Variants in KCND2 observed in about 807,000 individuals in gnomAD.
KCND2 encodes A-type voltage-gated potassium channel KCND2.
In KCND2, 16 loss-of-function variants were observed where a neutral mutation model predicts 54.4. That is an observed-to-expected ratio of 0.29 (90% CI 0.20 to 0.45). The LOEUF is 0.45. Ranked by LOEUF, KCND2 falls within the 20% of genes least tolerant of loss-of-function variation. The probability of loss-of-function intolerance (pLI) is 1.00; values close to 1 mark genes in which losing one functional copy is unlikely to be tolerated. For missense variants in KCND2, 486 were observed against 824.2 expected (o/e 0.59, Z 5.02); for synonymous variants, 317 against 310.7 (o/e 1.02, Z -0.21).
chr7:120,647,986 C>T (rs749287734), intron 1 of KCND2, among the ~76,000 whole-genome samples: 1 of 152,036 alleles, frequency 6.6e-6, no homozygotes, highest in East Asian at 1.9e-4. Context: ...TGTCTAAGTA[C>T]AGTAATATTA....
intron 1 of KCND2, among the ~76,000 whole-genome samples, chr7:120,556,276 T>C (rs1170450935): frequency 2.0e-5 from 3 of 152,108 alleles, no homozygotes; most frequent in Non-Finnish European, 4.4e-5. Context: ...AGAGAATAAA[T>C]AGTCTTCACA....
intron 1 of KCND2, among the ~76,000 whole-genome samples, chr7:120,724,880 G>A (rs1166990645): frequency 1.3e-5 from 2 of 152,088 alleles, no homozygotes; most frequent in Admixed American, 1.3e-4. Context: ...GGAATAAAGT[G>A]TTAAAAACAT....
intron 1 of KCND2, among the ~76,000 whole-genome samples, chr7:120,479,419 T>C (rs1025015869): frequency 6.6e-6 from 1 of 151,700 alleles, no homozygotes; most frequent in African/African-American, 2.4e-5. Context: ...AAAATATTTA[T>C]ATATATATAT....
At chr7:120,325,326 TC>T (rs1478322083) in intron 1 of KCND2, among the ~76,000 whole-genome samples, 1 of 130,468 alleles carries the variant, frequency 7.7e-6, no homozygotes, top group Admixed American at 8.4e-5. Flanking sequence ...GGCCAGAACT[TC>T]CAACACTATG....
At chr7:120,715,573 G>C (rs1442477683) in intron 1 of KCND2, among the ~76,000 whole-genome samples, 1 of 152,004 alleles carries the variant, frequency 6.6e-6, no homozygotes, top group Non-Finnish European at 1.5e-5. Context: ...ATTATGTTAG[G>C]ACCCCAGAAT....
intron 1 of KCND2, among the ~76,000 whole-genome samples, chr7:120,676,137 C>T (rs1407255978): frequency 2.0e-5 from 3 of 152,112 alleles, no homozygotes; most frequent in Non-Finnish European, 2.9e-5. Flanking sequence ...CGTGCCCAAC[C>T]TCTCTTTCTA....
chr7:120,321,361 T>A (rs1799890992), intron 1 of KCND2, among the ~76,000 whole-genome samples: 1 of 152,150 alleles, frequency 6.6e-6, no homozygotes, highest in Admixed American at 6.6e-5. Context: ...CTTGAACTCC[T>A]GACCTTAAGC....
chr7:120,531,484 A>C (rs1791841972), intron 1 of KCND2, among the ~76,000 whole-genome samples: 1 of 151,960 alleles, frequency 6.6e-6, no homozygotes, highest in Non-Finnish European at 1.5e-5. Flanking sequence ...CAGCATAAAA[A>C]CTTTCTGTAA....
At chr7:120,675,151 A>G (rs1409276995) in intron 1 of KCND2, among the ~76,000 whole-genome samples, 1 of 152,094 alleles carries the variant, frequency 6.6e-6, no homozygotes, top group African/African-American at 2.4e-5. Flanking sequence ...CAAATTGTTC[A>G]ACTCTGTTCA....
At chr7:120,520,361 C>T (rs1391206073) in intron 1 of KCND2, among the ~76,000 whole-genome samples, 1 of 152,008 alleles carries the variant, frequency 6.6e-6, no homozygotes, top group Non-Finnish European at 1.5e-5. Flanking sequence ...TTTGATATGT[C>T]GATATTCATT....
At position 120,536,309 on chromosome 7, in the gene KCND2, ACTGGTG is replaced by A. The variant is rs557957147; in HGVS notation, c.1116-196593_1116-196588del. 2.6e-5 allele frequency among the ~76,000 whole-genome samples: 4 copies of A among 152,284 alleles called. No individual in the cohort carries two copies. In the South Asian group the frequency reaches 8.3e-4, roughly 32 times the overall value. On this transcript the variant is annotated intron_variant, in intron 1 of 5. Transcript: ENST00000331113. The stretch of plus-strand genomic sequence containing the variant: ...ACTGTCAGTGAGTCTTAATCTTTTT[ACTGGTG>A]GAGAGTCTTGCCTTGATGTTGATGG...
chr7:120,545,975 T>G (rs542843055), intron 1 of KCND2, among the ~76,000 whole-genome samples: 11 of 151,820 alleles, frequency 7.2e-5, no homozygotes, highest in Non-Finnish European at 1.5e-4. Context: ...TACCAAAAAG[T>G]TTGCTTAAAC....
intron 1 of KCND2, among the ~76,000 whole-genome samples, chr7:120,399,293 A>T (rs753674055): frequency 3.9e-5 from 6 of 151,940 alleles, no homozygotes; most frequent in Non-Finnish European, 7.4e-5. Flanking sequence ...CGTCTCCCTG[A>T]CAACATGGGA....
chr7:120,447,823 G>T (rs1802038618), intron 1 of KCND2, among the ~76,000 whole-genome samples: 1 of 151,314 alleles, frequency 6.6e-6, no homozygotes, highest in Non-Finnish European at 1.5e-5. Flanking sequence ...TTTTAAGACT[G>T]ATTTTTTTTT....
At chr7:120,319,555 G>T (rs1799862527) in intron 1 of KCND2, among the ~76,000 whole-genome samples, 1 of 151,946 alleles carries the variant, frequency 6.6e-6, no homozygotes, top group Admixed American at 6.6e-5. Context: ...TTCTTTTTCT[G>T]CTTCTAAAGG....
In KCND2 at chr7:120,696,732, C is replaced by T. The variant is rs372562675; in HGVS notation, c.1116-36171C>T. On this transcript the variant is annotated intron_variant, in intron 1 of 5. Coordinates refer to ENST00000331113, the MANE Select transcript of KCND2 (RefSeq NM_012281.3). ...GCCACCACTTGCTCTCTTGCTCTTG[C>T]GTTTTCTTGCCCTTCTGTCTTCTGC... Among the ~76,000 whole-genome samples, 12 of 152,286 alleles carry T rather than the reference C, an allele frequency of 7.9e-5. No individual in the cohort carries two copies. The East Asian group carries it at 9.6e-4, about 12-fold the overall frequency.
intron 1 of KCND2, among the ~76,000 whole-genome samples, chr7:120,285,072 C>A (rs1036155222): frequency 4.6e-5 from 7 of 152,060 alleles, no homozygotes; most frequent in Non-Finnish European, 8.8e-5. Context: ...TTTACTGTGA[C>A]CTTTTTGAGC....
intron 1 of KCND2, among the ~76,000 whole-genome samples, chr7:120,494,899 A>T (rs551759128): frequency 2.6e-5 from 4 of 152,304 alleles, no homozygotes; most frequent in Non-Finnish European, 4.4e-5. Context: ...GGCTTATTGA[A>T]GCTTGACCCA....
At chr7:120,632,663 T>C (rs1793252393) in intron 1 of KCND2, among the ~76,000 whole-genome samples, 1 of 152,226 alleles carries the variant, frequency 6.6e-6, no homozygotes, top group Non-Finnish European at 1.5e-5. Flanking sequence ...CTCTATGTAA[T>C]GGACACTATA....
Sources: allele counts gnomAD v4.1 joint callset (sites outside exome capture counted in the v4.1 genomes callset), GRCh38; gene constraint gnomAD v4.1.1; transcripts MANE v1.5; gene names NCBI Gene and HGNC (gene_info 2026-07-23, HGNC 2026-07-21).